The following SGCD variants were observed in gnomAD, a reference collection of about 807,000 sequenced individuals.
SGCD encodes delta-sarcoglycan.
SGCD carries 18 observed loss-of-function variants against 36.6 expected under a neutral mutation model. The observed-to-expected ratio is 0.49, with a 90% confidence interval of 0.34 to 0.73. The LOEUF (loss-of-function observed/expected upper bound fraction) is 0.73. Among genes scored for constraint, SGCD ranks in the 30% least tolerant of loss-of-function variants. The probability of loss-of-function intolerance (pLI) is 0.01; values close to 1 mark genes in which losing one functional copy is unlikely to be tolerated. For missense variants in SGCD, 387 were observed against 346.7 expected, an observed-to-expected ratio of 1.12 and a Z score of -0.92; for synonymous variants, 133 against 130.6, an observed-to-expected ratio of 1.02 and a Z score of -0.12.
At position 156,277,459 on chromosome 5, in the gene SGCD, T is replaced by C. The variant is rs547932027; in HGVS notation, c.-43-52075T>C. On this transcript the variant is annotated intron_variant, in intron 3 of 9. Transcript: ENST00000517913. ...GAGGAACATAAAAATGCAAAGAGGG[T>C]TGTGGGCTCACAGAGCTGGCAGGTT... is the stretch of plus-strand genomic sequence containing the variant. Among the ~76,000 whole-genome samples the C allele has an allele frequency of 6.8e-4, 103 of 152,140 alleles. 1 individual carries two copies. The highest frequency in any genetic ancestry group is 2.4e-3 in the African/African-American group (99 of 41,506).
intron 7 of SGCD, among the ~76,000 whole-genome samples, chr5:156,748,609 T>C (rs1042160531): frequency 2.6e-5 from 4 of 152,174 alleles, no homozygotes; most frequent in African/African-American, 7.2e-5. Flanking sequence ...ATGCATCTAA[T>C]AACATGCCTC....
At chr5:156,065,619 C>T (rs1283306320) in intron 1 of SGCD, among the ~76,000 whole-genome samples, 1 of 23,436 alleles carries the variant, frequency 4.3e-5, no homozygotes, top group Non-Finnish European at 7.4e-5. Context: ...TCTGGGTGCT[C>T]CTGTATTGGG....
chr5:156,084,584 AT>A (rs34156495), intron 1 of SGCD, among the ~76,000 whole-genome samples: 63,423 of 151,616 alleles, frequency 0.42, 13,628 homozygotes, highest in African/African-American at 0.49. Flanking sequence ...ATATTCTAAG[AT>A]TTTTTTTTGT....
intron 1 of SGCD, among the ~76,000 whole-genome samples, chr5:156,023,628 C>T (rs1422829090): frequency 6.6e-6 from 1 of 152,316 alleles, no homozygotes; most frequent in East Asian, 1.9e-4. Flanking sequence ...AATGGCTGAG[C>T]TCCTTCAGGT....
At chr5:156,527,169 C>T (rs1757679352) in intron 4 of SGCD, among the ~76,000 whole-genome samples, 1 of 151,988 alleles carries the variant, frequency 6.6e-6, no homozygotes, top group African/African-American at 2.4e-5. Context: ...CAGACTCATA[C>T]TATAAACACT....
intron 1 of SGCD, among the ~76,000 whole-genome samples, chr5:155,891,952 A>G (rs1022688781): frequency 6.6e-6 from 1 of 152,166 alleles, no homozygotes; most frequent in Admixed American, 6.6e-5. Context: ...CGGAGAATAC[A>G]AAGGAAATGG....
At chr5:155,889,639 T>C (rs879426972) in intron 1 of SGCD, among the ~76,000 whole-genome samples, 16 of 152,232 alleles carry the variant, frequency 1.1e-4, no homozygotes, top group Non-Finnish European at 2.1e-4. Flanking sequence ...GTTGTAGAGA[T>C]CTTCTGAACA....
chr5:156,676,801 T>C (rs1256850275), intron 7 of SGCD, among the ~76,000 whole-genome samples: 3 of 152,166 alleles, frequency 2.0e-5, no homozygotes, highest in South Asian at 2.1e-4. Context: ...GCTAAACACA[T>C]AAATACCACC....
intron 3 of SGCD, among the ~76,000 whole-genome samples, chr5:156,283,221 G>A (rs1377962400): frequency 6.6e-6 from 1 of 152,128 alleles, no homozygotes; most frequent in Non-Finnish European, 1.5e-5. Context: ...AGGAGACAGT[G>A]ATTGGTATTG....
At chr5:155,960,794 A>G (rs1213847109) in intron 1 of SGCD, among the ~76,000 whole-genome samples, 2 of 152,106 alleles carry the variant, frequency 1.3e-5, no homozygotes, top group Admixed American at 6.6e-5. Flanking sequence ...TGGAAAATCC[A>G]CAATGTTATA....
intron 7 of SGCD, among the ~76,000 whole-genome samples, chr5:156,670,223 G>T (rs944592996): frequency 6.6e-6 from 1 of 152,088 alleles, no homozygotes; most frequent in South Asian, 2.1e-4. Context: ...TGGTCAGGAC[G>T]GACATGACAT....
chr5:155,737,533 A>G, the SGCD span, among the ~76,000 whole-genome samples: 1 of 152,196 alleles, frequency 6.6e-6, no homozygotes, highest in African/African-American at 2.4e-5. Flanking sequence ...ATTTCATGAC[A>G]CTCATGGGTT....
At chr5:156,563,182 A>G (rs762300966) in intron 4 of SGCD, among the ~76,000 whole-genome samples, 1 of 152,066 alleles carries the variant, frequency 6.6e-6, no homozygotes, top group Admixed American at 6.6e-5. Flanking sequence ...GGGTTTCACC[A>G]TGTTGGCCAG....
intron 2 of SGCD, among the ~76,000 whole-genome samples, chr5:156,119,633 T>C (rs930226013): frequency 6.6e-6 from 1 of 152,136 alleles, no homozygotes; most frequent in Non-Finnish European, 1.5e-5. Context: ...TAGTTCATCC[T>C]TTCCCCCAGC....
chr5:156,498,039 C>T (rs1294803454), intron 3 of SGCD, among the ~76,000 whole-genome samples: 1 of 152,102 alleles, frequency 6.6e-6, no homozygotes, highest in Non-Finnish European at 1.5e-5. Flanking sequence ...TCAAGTTGGA[C>T]TTTAATGGAA....
At chr5:155,988,156 TG>T (rs1326638196) in intron 1 of SGCD, among the ~76,000 whole-genome samples, 1 of 152,208 alleles carries the variant, frequency 6.6e-6, no homozygotes, top group Admixed American at 6.5e-5. Flanking sequence ...TGGTGCTTTC[TG>T]AGTTCTTCTA....
At chr5:156,036,683 G>A (rs914009149) in intron 1 of SGCD, among the ~76,000 whole-genome samples, 3 of 152,004 alleles carry the variant, frequency 2.0e-5, no homozygotes, top group African/African-American at 7.2e-5. Context: ...TTCCTCAATT[G>A]CTGGTAACAG....
intron 6 of SGCD, among the ~76,000 whole-genome samples, chr5:156,626,487 T>C (rs1189730055): frequency 1.3e-5 from 2 of 151,942 alleles, no homozygotes; most frequent in Non-Finnish European, 2.9e-5. Context: ...CTCTTTGGAG[T>C]GGGGAAGACA....
chr5:156,498,787 A>C (rs566268955), intron 3 of SGCD, among the ~76,000 whole-genome samples: 1 of 152,326 alleles, frequency 6.6e-6, no homozygotes, highest in African/African-American at 2.4e-5. Flanking sequence ...CAGAGAGCCC[A>C]GAGTGGAATT....
Sources: gnomAD v4.1 joint callset for allele counts (sites outside exome capture counted in the v4.1 genomes callset) on GRCh38, gnomAD v4.1.1 for gene constraint, MANE v1.5 for transcripts, NCBI Gene and HGNC (gene_info 2026-07-23, HGNC 2026-07-21) for gene names.